GABRG3: variants seen among roughly 807,000 people sequenced by gnomAD.
GABRG3 encodes the protein gamma-aminobutyric acid receptor subunit gamma-3.
GABRG3 carries 25 observed loss-of-function variants against 48.8 expected under a neutral mutation model. That is an observed-to-expected ratio of 0.51 (90% CI 0.37 to 0.72). The LOEUF is 0.72. Among genes scored for constraint, GABRG3 ranks in the 30% least tolerant of loss-of-function variants. GABRG3 has a pLI of 0.00. For missense variants in GABRG3, 394 were observed against 577.9 expected (o/e 0.68, Z 3.26); for synonymous variants, 227 against 217.6 (o/e 1.04, Z -0.38).
At chr15:27,324,476 T>G (rs7497397) in intron 3 of GABRG3, among the ~76,000 whole-genome samples, 26,215 of 152,140 alleles carry the variant, frequency 0.17, 4,634 homozygotes, top group African/African-American at 0.45. Context: ...TTTTCACTCT[T>G]ACTCTTGCCT....
At chr15:27,349,990 C>A in intron 5 of GABRG3, 2 of 357,160 alleles carry the variant, frequency 5.6e-6, no homozygotes, top group South Asian at 2.2e-5. Context: ...CCCATCGGTA[C>A]TCACTTCTGG....
intron 3 of GABRG3, among the ~76,000 whole-genome samples, chr15:27,028,073 C>T (rs572760026): frequency 6.6e-6 from 1 of 152,260 alleles, no homozygotes; most frequent in East Asian, 1.9e-4. Flanking sequence ...TTAGAATTTA[C>T]TTTGTGCCTC....
intron 3 of GABRG3, among the ~76,000 whole-genome samples, chr15:27,133,041 G>T (rs1046792603): frequency 1.3e-5 from 2 of 151,456 alleles, no homozygotes; most frequent in African/African-American, 4.9e-5. Context: ...TTTCTCTTAC[G>T]ATATTGTTTT....
intron 3 of GABRG3, among the ~76,000 whole-genome samples, chr15:27,242,774 A>G (rs1308659458): frequency 1.3e-5 from 2 of 152,208 alleles, no homozygotes; most frequent in Non-Finnish European, 1.5e-5. Flanking sequence ...TGCATAGGTG[A>G]CAAATATTTA....
At chr15:27,522,363 G>T (rs73371572) in intron 7 of GABRG3, among the ~76,000 whole-genome samples, 10,301 of 151,724 alleles carry the variant, frequency 0.068, 1,199 homozygotes, top group African/African-American at 0.24. Flanking sequence ...TAGGTTAATA[G>T]AAATAATCAA....
intron 3 of GABRG3, among the ~76,000 whole-genome samples, chr15:27,186,106 T>C (rs949354794): frequency 6.6e-6 from 1 of 151,206 alleles, no homozygotes; most frequent in African/African-American, 2.4e-5. Flanking sequence ...TGGGTTGGAG[T>C]ATGAATCAAT....
intron 3 of GABRG3, among the ~76,000 whole-genome samples, chr15:27,277,396 A>G (rs1452120977): frequency 6.6e-6 from 1 of 152,178 alleles, no homozygotes; most frequent in Non-Finnish European, 1.5e-5. Flanking sequence ...ATTGCAGGGT[A>G]TAGACATTTG....
chr15:27,320,856 T>C (rs145466603), intron 3 of GABRG3, among the ~76,000 whole-genome samples: 93 of 152,364 alleles, frequency 6.1e-4, no homozygotes, highest in Non-Finnish European at 1.2e-3. Flanking sequence ...ATTAATAATT[T>C]ATATTAATGT....
intron 6 of GABRG3, among the ~76,000 whole-genome samples, chr15:27,518,722 T>G (rs1891088581): frequency 6.6e-6 from 1 of 152,136 alleles, no homozygotes; most frequent in South Asian, 2.1e-4. Flanking sequence ...GTAGACAAGA[T>G]GCCAAGAGTG....
chr15:27,003,217 T>G (rs1018407026), intron 2 of GABRG3, among the ~76,000 whole-genome samples: 2 of 148,282 alleles, frequency 1.3e-5, no homozygotes, highest in South Asian at 4.2e-4. Flanking sequence ...ATTTATTTAT[T>G]TATTTATTTA....
intron 3 of GABRG3, among the ~76,000 whole-genome samples, chr15:27,048,259 C>T (rs754422572): frequency 7.2e-5 from 11 of 152,196 alleles, no homozygotes; most frequent in East Asian, 1.9e-4. Context: ...TCCTTTCCCT[C>T]AGAGGTGCCA....
intron 5 of GABRG3, among the ~76,000 whole-genome samples, chr15:27,338,775 G>T (rs1447997428): frequency 6.6e-6 from 1 of 152,198 alleles, no homozygotes; most frequent in Non-Finnish European, 1.5e-5. Flanking sequence ...AGACAAACCA[G>T]CAAATGTATA....
At chr15:27,182,747 A>AT (rs1887971696) in intron 3 of GABRG3, among the ~76,000 whole-genome samples, 1 of 152,142 alleles carries the variant, frequency 6.6e-6, no homozygotes, top group African/African-American at 2.4e-5. Flanking sequence ...CGCTCGCTGA[A>AT]TTTGCAACTG....
rs146475582 is a variant in GABRG3, at chr15:27,513,098, T to C, written c.713-6874T>C. 2.0e-3 allele frequency among the ~76,000 whole-genome samples: 303 copies of C among 151,566 alleles called. 2 individuals carry two copies. Among genetic ancestry groups the C allele is most frequent in the African/African-American group, 6.4e-3 (264 of 41,338 alleles). ...AGAGATGAAAAGATGAGAGGAGATA[T>C]CAAGCAGGCCAGGAGATATTTGGGG... is the stretch of plus-strand genomic sequence containing the variant. On this transcript the variant is annotated intron_variant, in intron 6 of 9. Transcript: ENST00000615808.
At chr15:27,214,237 C>A (rs1007958459) in intron 3 of GABRG3, among the ~76,000 whole-genome samples, 1 of 152,178 alleles carries the variant, frequency 6.6e-6, no homozygotes. Flanking sequence ...GTCATAGCAA[C>A]AGCAGTGTTT....
chr15:27,095,136 G>C (rs1897250474), intron 3 of GABRG3, among the ~76,000 whole-genome samples: 1 of 152,148 alleles, frequency 6.6e-6, no homozygotes, highest in Admixed American at 6.5e-5. Context: ...TTTAAAAAAT[G>C]ACATTTCAGT....
At chr15:27,328,209 C>T (rs1156972288) in intron 4 of GABRG3, among the ~76,000 whole-genome samples, 1 of 152,016 alleles carries the variant, frequency 6.6e-6, no homozygotes, top group Non-Finnish European at 1.5e-5. Flanking sequence ...GTTGTCTCCT[C>T]ATCAGTTGTA....
At chr15:27,096,057 A>G (rs567017114) in intron 3 of GABRG3, among the ~76,000 whole-genome samples, 23 of 152,286 alleles carry the variant, frequency 1.5e-4, no homozygotes, top group African/African-American at 5.3e-4. Context: ...AAATGCTCCA[A>G]TTCATCACAT....
intron 2 of GABRG3, among the ~76,000 whole-genome samples, chr15:27,004,583 A>G: frequency 6.6e-6 from 1 of 152,142 alleles, no homozygotes; most frequent in Admixed American, 6.5e-5. Context: ...GCATTTTGGG[A>G]GGCCAAGGCA....
Sources: gnomAD v4.1 joint callset for allele counts (sites outside exome capture counted in the v4.1 genomes callset) on GRCh38, gnomAD v4.1.1 for gene constraint, MANE v1.5 for transcripts, NCBI Gene and HGNC (gene_info 2026-07-23, HGNC 2026-07-21) for gene names.